Variants in TLK1 observed in about 807,000 individuals in gnomAD.
TLK1 encodes serine/threonine-protein kinase tousled-like 1.
In TLK1, 24 loss-of-function variants were observed where a neutral mutation model predicts 105.3. That is an observed-to-expected ratio of 0.23 (90% CI 0.17 to 0.32). The LOEUF (loss-of-function observed/expected upper bound fraction) is 0.32. Ranked by LOEUF, TLK1 falls within the 10% of genes least tolerant of loss-of-function variation. The pLI is 1.00. For synonymous variants in TLK1, 321 were observed against 310.4 expected (o/e 1.03, Z -0.36); for missense variants, 558 against 910.5 (o/e 0.61, Z 4.98).
chr2:171,079,313 G>A (rs1314486603), intron 3 of TLK1, among the ~76,000 whole-genome samples: 1 of 152,150 alleles, frequency 6.6e-6, no homozygotes, highest in African/African-American at 2.4e-5. Context: ...TTCCCCTACA[G>A]GCAAATGGAA....
intron 1 of TLK1, among the ~76,000 whole-genome samples, chr2:171,229,713 A>G (rs1157064366): frequency 6.6e-6 from 1 of 152,238 alleles, no homozygotes; most frequent in Non-Finnish European, 1.5e-5. Context: ...GCCCTCTCAT[A>G]AAAACAAATC....
intron 8 of TLK1, among the ~76,000 whole-genome samples, chr2:171,051,130 A>G (rs1687217889): frequency 6.6e-6 from 1 of 152,176 alleles, no homozygotes; most frequent in Non-Finnish European, 1.5e-5. Flanking sequence ...CAAAATCTCA[A>G]CACTGTGTGT....
intron 1 of TLK1, among the ~76,000 whole-genome samples, chr2:171,224,258 C>A (rs1693859283): frequency 6.6e-6 from 1 of 152,104 alleles, no homozygotes; most frequent in Admixed American, 6.6e-5. Context: ...GTTGGCTATA[C>A]ATGTGTAGAC....
At chr2:171,164,869 C>A (rs1304591129), upstream of TLK1, among the ~76,000 whole-genome samples, 1 of 151,620 alleles carries the variant, frequency 6.6e-6, no homozygotes, top group Non-Finnish European at 1.5e-5. Flanking sequence ...GCCTGTAATC[C>A]CAGCACTTTG....
At chr2:171,015,431 C>CACACACAA (rs1400338864) in intron 12 of TLK1, among the ~76,000 whole-genome samples, 18 of 142,738 alleles carry the variant, frequency 1.3e-4, no homozygotes, top group African/African-American at 4.2e-4. Context: ...CACACACACA[C>CACACACAA]ACACACACAC....
Position 171,053,458 on chromosome 2 carries a change from G to T in TLK1, c.732+303C>A, listed in dbSNP as rs370188488. ...GCTCACTGCAATCTCCACCTCCCGG[G>T]TTCAAGCATTTCTGCTGCCTCAGCC... On this transcript the variant is annotated intron_variant, in intron 8 of 20. Coordinates refer to ENST00000431350, the MANE Select transcript of TLK1 (RefSeq NM_012290.5). Among the ~76,000 whole-genome samples the T allele has an allele frequency of 4.1e-3, 623 of 152,068 alleles. 3 individuals carry two copies. The highest frequency in any genetic ancestry group is 0.014 in the African/African-American group (577 of 41,490).
chr2:171,022,086 A>AAAAAACACACACACAC (rs1553605634), intron 12 of TLK1, among the ~76,000 whole-genome samples: 1 of 103,010 alleles, frequency 9.7e-6, no homozygotes, highest in African/African-American at 3.0e-5. Flanking sequence ...CTGGGCGAAA[A>AAAAAACACACACACAC]ACACACACAC....
At chr2:171,095,121 A>G (rs1689398826) in intron 2 of TLK1, among the ~76,000 whole-genome samples, 1 of 152,192 alleles carries the variant, frequency 6.6e-6, no homozygotes, top group Non-Finnish European at 1.5e-5. Flanking sequence ...ATATGAGATA[A>G]AGTTAAAGCA....
chr2:171,156,937 C>A (rs1264027420), intron 1 of TLK1, among the ~76,000 whole-genome samples: 2 of 152,084 alleles, frequency 1.3e-5, no homozygotes, highest in African/African-American at 4.8e-5. Flanking sequence ...CTCAAGCAAT[C>A]CTCCCAACTC....
chr2:171,055,571 G>A (rs1442508256), intron 6 of TLK1, among the ~76,000 whole-genome samples: 3 of 151,988 alleles, frequency 2.0e-5, no homozygotes, highest in African/African-American at 7.2e-5. Flanking sequence ...CCCATATGTA[G>A]TTTAATATCA....
At chr2:171,037,441 CA>C (rs34547550) in intron 11 of TLK1, among the ~76,000 whole-genome samples, 51 of 118,542 alleles carry the variant, frequency 4.3e-4, no homozygotes, top group African/African-American at 1.2e-3. Context: ...AACTCCGTCT[CA>C]AAAAAAAAAA....
chr2:171,002,003 T>C (rs1295981825), intron 18 of TLK1, among the ~76,000 whole-genome samples: 1 of 152,062 alleles, frequency 6.6e-6, no homozygotes, highest in Non-Finnish European at 1.5e-5. Flanking sequence ...GGTCTCGATC[T>C]CTTGACCTCA....
At chr2:171,132,326 C>A (rs952491094) in intron 1 of TLK1, among the ~76,000 whole-genome samples, 1 of 152,048 alleles carries the variant, frequency 6.6e-6, no homozygotes, top group Non-Finnish European at 1.5e-5. Flanking sequence ...CACTTCCCAC[C>A]GAGTCCCTTC....
chr2:171,028,017 G>A (rs1255025540), intron 12 of TLK1, among the ~76,000 whole-genome samples: 1 of 152,086 alleles, frequency 6.6e-6, no homozygotes, highest in East Asian at 1.9e-4. Context: ...ACAAAAATTA[G>A]CCAGATGTGG....
chr2:171,028,712 C>G (rs1037281040), intron 11 of TLK1, among the ~76,000 whole-genome samples: 6 of 151,942 alleles, frequency 3.9e-5, no homozygotes, highest in African/African-American at 4.8e-5. Flanking sequence ...TAATGAGTAC[C>G]ATTTATCAAG....
At chr2:171,139,452 G>T (rs1342218630) in intron 1 of TLK1, among the ~76,000 whole-genome samples, 1 of 152,036 alleles carries the variant, frequency 6.6e-6, no homozygotes, top group Non-Finnish European at 1.5e-5. Context: ...TCAAAAATTA[G>T]CTGGGCATGG....
chr2:171,157,816 T>C (rs1401000820), intron 1 of TLK1, among the ~76,000 whole-genome samples: 1 of 152,236 alleles, frequency 6.6e-6, no homozygotes, highest in Non-Finnish European at 1.5e-5. Flanking sequence ...TTTATGTAAG[T>C]TCACATACAT....
chr2:171,031,897 CA>C (rs1469525037), intron 11 of TLK1, among the ~76,000 whole-genome samples: 2 of 152,092 alleles, frequency 1.3e-5, no homozygotes, highest in East Asian at 3.9e-4. Context: ...TCAAAGAACA[CA>C]AACTATGGTA....
At chr2:171,120,587 A>C (rs1379094990) in intron 1 of TLK1, among the ~76,000 whole-genome samples, 2 of 152,238 alleles carry the variant, frequency 1.3e-5, no homozygotes, top group African/African-American at 4.8e-5. Context: ...TCACGGTGAG[A>C]CACCACTTCA....
Sources: gnomAD v4.1 joint callset for allele counts (sites outside exome capture counted in the v4.1 genomes callset) on GRCh38, gnomAD v4.1.1 for gene constraint, MANE v1.5 for transcripts, NCBI Gene and HGNC (gene_info 2026-07-23, HGNC 2026-07-21) for gene names.